The following ARHGAP21 variants were observed in gnomAD, a reference collection of about 807,000 sequenced individuals.
ARHGAP21 encodes Rho GTPase activating protein 21.
A neutral mutation model predicts 164.6 loss-of-function variants in ARHGAP21; 38 were observed. The ratio of observed to expected loss-of-function variants is 0.23; its 90% CI spans 0.18 to 0.30. The LOEUF is 0.30. Ranked by LOEUF, ARHGAP21 falls within the 10% of genes least tolerant of loss-of-function variation. ARHGAP21 has a pLI of 1.00. For synonymous variants in ARHGAP21, 766 were observed against 857.9 expected (o/e 0.89, Z 1.87); for missense variants, 1,822 against 2,370.7 (o/e 0.77, Z 4.81).
chr10:24,681,552 T>C (rs750931452), intron 2 of ARHGAP21, among the ~76,000 whole-genome samples: 2 of 152,216 alleles, frequency 1.3e-5, no homozygotes, highest in Non-Finnish European at 2.9e-5. Flanking sequence ...TTTTATACTG[T>C]GTTCTCTTAA....
At chr10:24,698,369 C>A (rs914603218) in intron 2 of ARHGAP21, among the ~76,000 whole-genome samples, 4 of 152,124 alleles carry the variant, frequency 2.6e-5, no homozygotes, top group Non-Finnish European at 4.4e-5. Flanking sequence ...CTCAGTCACA[C>A]AACCAAGCAG....
chr10:24,592,955 TATA>T (rs1160469245), intron 21 of ARHGAP21, among the ~76,000 whole-genome samples: 2 of 152,186 alleles, frequency 1.3e-5, no homozygotes, highest in Admixed American at 6.5e-5. Flanking sequence ...GTATTCCTTG[TATA>T]ATAATTATCA....
intron 15 of ARHGAP21, 144 bp from the exon 16 acceptor site, chr10:24,597,727 C>A: frequency 7.7e-7 from 1 of 1,304,232 alleles, no homozygotes; most frequent in Non-Finnish European, 1.0e-6. Flanking sequence ...ATTTTGTAGT[C>A]CTGCCCAGAA....
chr10:24,693,511 C>T lies in ARHGAP21; in HGVS notation c.64-23114G>A, dbSNP rs575072949. ...GATTACAGGCGCTCGCCACCACGCC[C>T]GGCTAATTTTTTTGTATTTTTAGTA... On this transcript the variant is annotated intron_variant, in intron 2 of 25. Transcript: ENST00000396432. Among the ~76,000 whole-genome samples the T allele has an allele frequency of 3.9e-5, 6 of 152,028 alleles. 1 individual carries two copies. Among genetic ancestry groups the T allele is most frequent in the African/African-American group, 9.6e-5 (4 of 41,482 alleles).
chr10:24,620,485 C>T lies in ARHGAP21; in HGVS notation c.1410G>A (p.Lys470=), dbSNP rs1226879002. The T allele has an allele frequency of 1.9e-6, 3 of 1,611,942 alleles. No homozygotes were observed. The highest frequency in any genetic ancestry group is 2.5e-6 in the Non-Finnish European group (3 of 1,178,432). ...QERLEDSVLM[K]YCPRSASQGA... ...CTTGAGATGCACTTCTTGGACAATA[C>T]TTCATTAGCACAGAATCTTCCAGTC... The change falls in exon 9 of 26, where the codon AAG becomes AAA. Residue 470 remains lysine (K), a synonymous_variant. Coordinates refer to ENST00000396432, the MANE Select transcript of ARHGAP21 (RefSeq NM_020824.4).
At chr10:24,634,835 C>G (rs531352149) in intron 5 of ARHGAP21, among the ~76,000 whole-genome samples, 176 bp downstream of exon 5, 1 of 152,066 alleles carries the variant, frequency 6.6e-6, no homozygotes, top group South Asian at 2.1e-4. Context: ...TGTTCAAACC[C>G]ATTCATATGG....
chr10:24,608,540 G>A (rs1482134517), intron 9 of ARHGAP21, among the ~76,000 whole-genome samples: 1 of 152,076 alleles, frequency 6.6e-6, no homozygotes. Context: ...AAAATTAAAT[G>A]CCCCAGAATA....
At position 24,585,509 on chromosome 10, in the gene ARHGAP21, T is replaced by C. The variant is rs1133897; in HGVS notation, c.4780A>G (p.Thr1594Ala). 2.5e-6 allele frequency: 4 copies of C among 1,614,102 alleles called. No individual in the cohort carries two copies. The highest frequency in any genetic ancestry group is 2.2e-5 in the East Asian group (1 of 44,902). The part of the protein sequence containing the change: ...TSDYSTTSSA[T>A]YLTSLDSSRL... ...CTGGAGTCCAGGCTAGTCAAGTATG[T>C]AGCAGACGATGTGGTGGAATAATCT... is the stretch of plus-strand genomic sequence containing the variant. The change falls in exon 26 of 26, where the codon ACA becomes GCA. Residue 1594 changes from threonine to alanine, a missense_variant. Coordinates refer to ENST00000396432, the MANE Select transcript of ARHGAP21 (RefSeq NM_020824.4).
chr10:24,612,229 T>A (rs2077295001), intron 9 of ARHGAP21, among the ~76,000 whole-genome samples: 2 of 152,160 alleles, frequency 1.3e-5, no homozygotes, highest in South Asian at 4.1e-4. Context: ...GAAGTAGTAT[T>A]CCTAACCCCT....
chr10:24,673,643 C>CT (rs796181264), intron 2 of ARHGAP21, among the ~76,000 whole-genome samples: 39 of 152,232 alleles, frequency 2.6e-4, no homozygotes, highest in African/African-American at 8.7e-4. Context: ...AGGCAGATCA[C>CT]TTGAGGCCAG....
At chr10:24,721,779 G>C in intron 2 of ARHGAP21, 58 bp downstream of exon 2, 1 of 1,596,746 alleles carries the variant, frequency 6.3e-7, no homozygotes, top group South Asian at 1.1e-5. Flanking sequence ...CCAACTTGCA[G>C]GACGCTCAAG....
intron 2 of ARHGAP21, among the ~76,000 whole-genome samples, chr10:24,704,168 G>T (rs1843979397): frequency 1.3e-5 from 2 of 151,928 alleles, no homozygotes; most frequent in Admixed American, 6.6e-5. Context: ...CTCTTCAACT[G>T]CCTGGCTCCC....
chr10:24,711,460 G>A (rs891555306), intron 2 of ARHGAP21, among the ~76,000 whole-genome samples: 8 of 152,044 alleles, frequency 5.3e-5, no homozygotes, highest in African/African-American at 1.2e-4. Context: ...CAGTCCCCAC[G>A]TCAGAACATC....
chr10:24,672,132 C>G (rs1193608308), intron 2 of ARHGAP21, among the ~76,000 whole-genome samples: 1 of 151,984 alleles, frequency 6.6e-6, no homozygotes, highest in Non-Finnish European at 1.5e-5. Flanking sequence ...CTTGCTGTTT[C>G]CAATTCTTTT....
intron 2 of ARHGAP21, among the ~76,000 whole-genome samples, chr10:24,684,931 G>GC (rs2131933105): frequency 6.6e-6 from 1 of 152,288 alleles, no homozygotes; most frequent in Non-Finnish European, 1.5e-5. Context: ...GAGCCACCGC[G>GC]CCCGGCCTAG....
At chr10:24,653,332 T>C (rs1838401432) in intron 4 of ARHGAP21, among the ~76,000 whole-genome samples, 1 of 152,114 alleles carries the variant, frequency 6.6e-6, no homozygotes, top group South Asian at 2.1e-4. Context: ...CCCAGCACTT[T>C]GGGAGGCCAA....
intron 9 of ARHGAP21, among the ~76,000 whole-genome samples, chr10:24,613,873 G>C (rs116962499): frequency 6.7e-6 from 1 of 149,150 alleles, no homozygotes; most frequent in Non-Finnish European, 1.5e-5. Flanking sequence ...GATTTGCCAC[G>C]GTTAACAGGT....
intron 6 of ARHGAP21, among the ~76,000 whole-genome samples, chr10:24,632,842 G>A (rs1451804635): frequency 2.0e-5 from 3 of 152,152 alleles, no homozygotes; most frequent in Admixed American, 6.5e-5. Flanking sequence ...AGTTGTGTGG[G>A]TGAAACAGAG....
intron 4 of ARHGAP21, among the ~76,000 whole-genome samples, chr10:24,658,066 A>AG (rs1839261992): frequency 6.6e-6 from 1 of 151,766 alleles, no homozygotes; most frequent in South Asian, 2.1e-4. Context: ...AAATTAAAAA[A>AG]AAAAAAATGC....
Sources: allele counts gnomAD v4.1 joint callset (sites outside exome capture counted in the v4.1 genomes callset), GRCh38; gene constraint gnomAD v4.1.1; transcripts MANE v1.5; gene names NCBI Gene and HGNC (gene_info 2026-07-23, HGNC 2026-07-21).